PCDHA10: variants seen among roughly 807,000 people sequenced by gnomAD.
PCDHA10 encodes protocadherin alpha-10.
In PCDHA10, 45 loss-of-function variants were observed where a neutral mutation model predicts 61.2. That is an observed-to-expected ratio of 0.74 (90% CI 0.58 to 0.94). PCDHA10 has a LOEUF of 0.94. PCDHA10 is among the 40% of genes least tolerant of loss of function. The pLI is 0.00. For synonymous variants in PCDHA10, 602 were observed against 548.8 expected (o/e 1.10, Z -1.35); for missense variants, 1,278 against 1,236.2 (o/e 1.03, Z -0.51).
In PCDHA10 at chr5:140,978,000, T is replaced by G. The variant is rs564788160; in HGVS notation, c.2389-949T>G. 2.0e-5 allele frequency among the ~76,000 whole-genome samples: 3 copies of G among 152,212 alleles called. No homozygotes were observed. In the South Asian group the frequency reaches 6.2e-4, roughly 32 times the overall value. On this transcript the variant is annotated intron_variant, in intron 1 of 3. Coordinates refer to ENST00000307360, the MANE Select transcript of PCDHA10 (RefSeq NM_018901.4). ...AACGCATCTAGAGGAGTGTCACAAG[T>G]TTTTCACAGTGACATTTTTGCTTAC...
chr5:140,886,698 C>G (rs578140955), intron 1 of PCDHA10, among the ~76,000 whole-genome samples: 3 of 151,820 alleles, frequency 2.0e-5, no homozygotes, highest in Non-Finnish European at 4.4e-5. Flanking sequence ...TGGTGGCACG[C>G]GCCTGTAATC....
chr5:140,968,823 A>G (rs569036779), intron 1 of PCDHA10: 3 of 1,614,192 alleles, frequency 1.9e-6, no homozygotes, highest in Non-Finnish European at 2.5e-6. Context: ...AGGGTTTCCA[A>G]AATCCTCCCT....
At chr5:140,903,979 C>T (rs988987540) in intron 1 of PCDHA10, among the ~76,000 whole-genome samples, 3 of 152,150 alleles carry the variant, frequency 2.0e-5, no homozygotes, top group Admixed American at 2.0e-4. Flanking sequence ...GGTCTATTCA[C>T]AATGTAACAG....
chr5:140,868,731 G>A (rs1002022928), intron 1 of PCDHA10: 2 of 192,996 alleles, frequency 1.0e-5, no homozygotes, highest in South Asian at 1.2e-4. Context: ...GATGTTAATC[G>A]AGAAATACAA....
intron 1 of PCDHA10, among the ~76,000 whole-genome samples, chr5:140,884,903 T>C (rs1462790087): frequency 1.3e-5 from 2 of 152,268 alleles, no homozygotes; most frequent in Admixed American, 1.3e-4. Flanking sequence ...GTTTCTGTTG[T>C]ATTCTTAATA....
At position 140,858,206 on chromosome 5, in the gene PCDHA10, A is replaced by T. The variant is rs781984728; in HGVS notation, c.2158A>T (p.Arg720Trp). 2 of 1,593,038 alleles carry T rather than the reference A, an allele frequency of 1.3e-6. No homozygotes were observed. Among genetic ancestry groups the T allele is most frequent in the Non-Finnish European group, 1.7e-6 (2 of 1,165,318 alleles). Reference protein sequence around the residue: ...VLTLLLYTALRCSAAPTEGAC... With the variant: ...VLTLLLYTALWCSAAPTEGAC... ...CACGCTGCTGCTGTACACTGCACTG[A>T]GGTGCTCGGCGGCGCCCACCGAGGG... The change falls in exon 1 of 4, where the codon AGG becomes TGG. Residue 720 changes from arginine (R) to tryptophan (W), a missense_variant. Arg to Trp is a moderately radical substitution (Grantham distance 101). Coordinates refer to ENST00000307360, the MANE Select transcript of PCDHA10 (RefSeq NM_018901.4).
rs1554262625 is a variant in PCDHA10, at chr5:141,009,974, T to A, written c.*37T>A. 3 of 1,585,642 alleles carry A rather than the reference T, an allele frequency of 1.9e-6. No homozygotes were observed. The highest frequency in any genetic ancestry group is 2.6e-6 in the Non-Finnish European group (3 of 1,169,212). ...GGAAACAAGCCACTTAGCCAGTTTT[T>A]GTAATAATGGCAAATCTCTCCCATG... On this transcript the variant is annotated 3_prime_UTR_variant, in exon 4 of 4. Transcript: ENST00000307360.
chr5:140,879,310 T>A (rs541864795), intron 1 of PCDHA10, among the ~76,000 whole-genome samples: 1 of 152,296 alleles, frequency 6.6e-6, no homozygotes, highest in African/African-American at 2.4e-5. Context: ...AAAGTAGAAG[T>A]TGACTCTCAC....
chr5:140,929,528 T>C, intron 1 of PCDHA10: 1 of 693,446 alleles, frequency 1.4e-6, no homozygotes, highest in African/African-American at 1.9e-5. Context: ...TAGTTTATTT[T>C]TGAGAAACAA....
At chr5:140,927,481 G>C in intron 1 of PCDHA10, 2 of 1,614,072 alleles carry the variant, frequency 1.2e-6, no homozygotes, top group Non-Finnish European at 1.7e-6. Context: ...CGAACAGCGC[G>C]CCACCCACCT....
At chr5:140,954,807 T>TGAAAATGCTTTAGGCACTTTTGTC (rs2095090008) in intron 1 of PCDHA10, among the ~76,000 whole-genome samples, 1 of 152,248 alleles carries the variant, frequency 6.6e-6, no homozygotes, top group Admixed American at 6.5e-5. Flanking sequence ...TTGCTTTTGT[T>TGAAAATGCTTTAGGCACTTTTGTC]GAAATTGCTT....
At chr5:140,872,232 G>A (rs2053558420) in intron 1 of PCDHA10, among the ~76,000 whole-genome samples, 1 of 149,716 alleles carries the variant, frequency 6.7e-6, no homozygotes, top group South Asian at 2.1e-4. Flanking sequence ...CTTTACTTTT[G>A]TCTTTATTCC....
intron 1 of PCDHA10, chr5:140,859,072 G>T (rs1168323371): frequency 6.6e-6 from 1 of 150,540 alleles, no homozygotes; most frequent in African/African-American, 2.4e-5. Flanking sequence ...AGTTGTAGTG[G>T]TACCTGTGTC....
At chr5:140,886,871 T>C (rs1045804511) in intron 1 of PCDHA10, among the ~76,000 whole-genome samples, 1 of 151,744 alleles carries the variant, frequency 6.6e-6, no homozygotes, top group Non-Finnish European at 1.5e-5. Flanking sequence ...AACTCCTATA[T>C]TGAACATTCA....
intron 1 of PCDHA10, among the ~76,000 whole-genome samples, chr5:140,941,773 T>G (rs2093165270): frequency 6.6e-6 from 1 of 152,262 alleles, no homozygotes; most frequent in South Asian, 2.1e-4. Context: ...GATAATTGTT[T>G]TAATGTTTTA....
chr5:140,945,909 TC>T (rs1440194990), intron 1 of PCDHA10, among the ~76,000 whole-genome samples: 3 of 151,962 alleles, frequency 2.0e-5, no homozygotes, highest in African/African-American at 7.2e-5. Context: ...AGATGAAAGA[TC>T]AATAACACTG....
At chr5:140,961,591 T>C (rs1280839822) in intron 1 of PCDHA10, among the ~76,000 whole-genome samples, 1 of 152,190 alleles carries the variant, frequency 6.6e-6, no homozygotes, top group African/African-American at 2.4e-5. Flanking sequence ...ATTTTGGCAA[T>C]GATTCTAGTA....
intron 1 of PCDHA10, chr5:140,869,665 C>G: frequency 6.2e-7 from 1 of 1,613,338 alleles, no homozygotes; most frequent in Non-Finnish European, 8.5e-7. Flanking sequence ...AAATGGTAAG[C>G]AGATTAAAAG....
At chr5:140,938,507 C>T (rs2092094259) in intron 1 of PCDHA10, among the ~76,000 whole-genome samples, 1 of 151,846 alleles carries the variant, frequency 6.6e-6, no homozygotes, top group Admixed American at 6.6e-5. Flanking sequence ...GAATTTATCA[C>T]ATATTTTCTG....
Sources: allele counts gnomAD v4.1 joint callset (sites outside exome capture counted in the v4.1 genomes callset), GRCh38; gene constraint gnomAD v4.1.1; transcripts MANE v1.5; gene names NCBI Gene and HGNC (gene_info 2026-07-23, HGNC 2026-07-21).